Variants in CNKSR2 observed in about 807,000 individuals in gnomAD.
The protein encoded by CNKSR2 is connector enhancer of kinase suppressor of Ras 2, also known as CNK homolog protein 2.
In CNKSR2, 14 loss-of-function variants were observed where a neutral mutation model predicts 84.4. That is an observed-to-expected ratio of 0.17 (90% CI 0.11 to 0.26). The LOEUF is 0.26. Among genes scored for constraint, CNKSR2 ranks in the 10% least tolerant of loss-of-function variants. The pLI is 1.00. For synonymous variants in CNKSR2, 275 were observed against 277.9 expected (o/e 0.99, Z 0.10); for missense variants, 485 against 771.2 (o/e 0.63, Z 4.40).
chrX:21,463,904 G>A (rs2091092964), intron 4 of CNKSR2, among the ~76,000 whole-genome samples: 1 of 111,678 alleles, frequency 9.0e-6, no homozygotes, highest in Non-Finnish European at 1.9e-5. Flanking sequence ...CACGAGCTAT[G>A]CAACCTGGGG....
intron 20 of CNKSR2, among the ~76,000 whole-genome samples, chrX:21,629,956 G>T (rs1478236922): frequency 8.9e-6 from 1 of 112,012 alleles, no homozygotes; most frequent in Non-Finnish European, 1.9e-5. Context: ...ACTCATTTCA[G>T]TCAGGTTTAC....
intron 13 of CNKSR2, among the ~76,000 whole-genome samples, chrX:21,578,009 T>C (rs2092329930): frequency 9.0e-6 from 1 of 111,545 alleles, no homozygotes; most frequent in Non-Finnish European, 1.9e-5. Context: ...GCAGCCATTA[T>C]GGATTTTTCA....
rs529903606 is a variant in CNKSR2, at chrX:21,561,270, C to T, written c.1304-201C>T. Among the ~76,000 whole-genome samples, 61 of 110,104 alleles carry T rather than the reference C, an allele frequency of 5.5e-4. No individual in the cohort carries two copies. In the South Asian group the frequency reaches 0.019, roughly 35 times the overall value. On this transcript the variant is annotated intron_variant, in intron 11 of 21. Transcript: ENST00000379510. Reference sequence around the variant, plus strand: ...TATTCATTATTATTTATAAAAAGTACCTTAAGTTTGCTTTATCACCTGGCC... The same window carrying T: ...TATTCATTATTATTTATAAAAAGTATCTTAAGTTTGCTTTATCACCTGGCC...
Position 21,609,075 on chromosome X carries a change from G to T in CNKSR2, c.2150G>T (p.Ser717Ile). ...YDTYPRPPSM[S>I]CASPYVEAKH... ...ATCAGGGGCTCCTTTCTACAGATGA[G>T]TTGCGCCAGTCCTTATGTGGAAGCA... The change falls in exon 20 of 22, where the codon AGT (serine) becomes ATT (isoleucine). Residue 717 changes from serine (S) to isoleucine (I), a missense_variant. By Grantham distance (142) the Ser-to-Ile change is moderately radical (BLOSUM62 -2). Around this residue, in one of 5 missense-constraint regions of CNKSR2, gnomAD observed 210 missense variants for 291.5 expected, o/e 0.72. Coordinates refer to ENST00000379510, the MANE Select transcript of CNKSR2 (RefSeq NM_014927.5). 1.7e-6 allele frequency: 2 copies of T among 1,201,904 alleles called. No homozygotes were observed. Among genetic ancestry groups the T allele is most frequent in the Non-Finnish European group, 2.2e-6 (2 of 890,498 alleles).
chrX:21,581,994 A>G (rs762121382), intron 13 of CNKSR2, among the ~76,000 whole-genome samples: 11 of 111,748 alleles, frequency 9.8e-5, no homozygotes, highest in Admixed American at 3.8e-4. Context: ...TCTCATCAGT[A>G]TTGACACAGG....
chrX:21,394,960 A>G (rs1014063496), intron 1 of CNKSR2, among the ~76,000 whole-genome samples: 2 of 111,588 alleles, frequency 1.8e-5, no homozygotes, highest in Non-Finnish European at 3.8e-5. Context: ...AACAAGAGAG[A>G]ATCATTGGCA....
At position 21,563,262 on chromosome X, in the gene CNKSR2, G is replaced by T; in HGVS notation, c.1418G>T (p.Ser473Ile). 8.3e-7 allele frequency: 1 copy of T among 1,206,912 alleles called. No homozygotes were observed. The highest frequency in any genetic ancestry group is 1.8e-5 in the South Asian group (1 of 56,473). ...RRENSLLRYMSNEKIAQEEYM... is the reference protein window; with the variant it reads ...RRENSLLRYMINEKIAQEEYM... The stretch of plus-strand genomic sequence containing the variant: ...GAAAACTCTCTACTTCGGTATATGA[G>T]CAATGAAAAGATTGCTCAAGAAGAA... The change falls in exon 13 of 22, where the codon AGC becomes ATC. Residue 473 changes from serine to isoleucine, a missense_variant. By Grantham distance (142) the Ser-to-Ile change is moderately radical. Coordinates refer to ENST00000379510, the MANE Select transcript of CNKSR2 (RefSeq NM_014927.5).
intron 21 of CNKSR2, among the ~76,000 whole-genome samples, chrX:21,651,253 A>G (rs1350641552): frequency 2.7e-5 from 3 of 112,234 alleles, no homozygotes; most frequent in East Asian, 5.6e-4. Context: ...AATGTCCCTC[A>G]TTGGTACAAA....
At chrX:21,425,479 A>G (rs1011053587) in intron 1 of CNKSR2, 1 of 111,429 alleles carries the variant, frequency 9.0e-6, no homozygotes, top group African/African-American at 3.3e-5. Flanking sequence ...ATGGCTACAT[A>G]ATCTCTCTGT....
intron 7 of CNKSR2, among the ~76,000 whole-genome samples, chrX:21,499,693 A>G (rs2091539282): frequency 9.1e-6 from 1 of 110,362 alleles, no homozygotes; most frequent in African/African-American, 3.3e-5. Context: ...TATAATTAGG[A>G]GATCTGTCTT....
At chrX:21,624,138 A>C (rs1193348475) in intron 20 of CNKSR2, among the ~76,000 whole-genome samples, 1 of 112,172 alleles carries the variant, frequency 8.9e-6, no homozygotes, top group Non-Finnish European at 1.9e-5. Flanking sequence ...AAATCAGTTG[A>C]TAAACTATTT....
intron 18 of CNKSR2, among the ~76,000 whole-genome samples, chrX:21,603,999 A>G (rs2092500391): frequency 1.8e-5 from 2 of 111,484 alleles, no homozygotes; most frequent in Non-Finnish European, 1.9e-5. Context: ...AATTTGTGCT[A>G]TATAGACAGC....
chrX:21,530,208 G>C (rs1459149447), intron 10 of CNKSR2, among the ~76,000 whole-genome samples: 3 of 111,337 alleles, frequency 2.7e-5, no homozygotes, highest in African/African-American at 9.8e-5. Context: ...TAGTTCTATT[G>C]TGGTAATAAG....
rs768198427 is a variant in CNKSR2 at position 21,572,708 on chromosome X, G to A, written c.1608+9256G>A. Among the ~76,000 whole-genome samples the A allele has an allele frequency of 5.4e-5, 6 of 111,495 alleles. No individual in the cohort carries two copies. The South Asian group carries it at 2.3e-3, about 43-fold the overall frequency. ...TCACAATCATGAGAACAGCATGGAG[G>A]TAACTGCTGCCATGATTCAATTACC... On this transcript the variant is annotated intron_variant, in intron 13 of 21. Transcript: ENST00000379510.
chrX:21,450,399 C>T (rs775807160), intron 4 of CNKSR2, among the ~76,000 whole-genome samples: 6 of 110,844 alleles, frequency 5.4e-5, no homozygotes, highest in South Asian at 3.8e-4. Context: ...TTTGCATACG[C>T]GGACATAACT....
intron 1 of CNKSR2, among the ~76,000 whole-genome samples, chrX:21,379,424 A>G (rs1569134775): frequency 8.9e-6 from 1 of 112,309 alleles, no homozygotes; most frequent in Non-Finnish European, 1.9e-5. Context: ...CTAAATTGGC[A>G]CCAACAATTG....
chrX:21,426,545 A>G lies in CNKSR2; in HGVS notation c.113A>G (p.Lys38Arg), dbSNP rs1428257500. Residue 38 changes from lysine to arginine, a missense_variant, in exon 2 of 22, where the codon AAG (lysine) becomes AGG (arginine). By Grantham distance (26) the Lys-to-Arg change is conservative. Around this residue, in one of 5 missense-constraint regions of CNKSR2, gnomAD observed 109 missense variants for 197.5 expected, o/e 0.55. Transcript: ENST00000379510. ...TATATTAAGAACTTTGAGAGGGAGAAGATCAGTGGGGACCAGCTGCTGCGC... is the reference window on the plus strand; with the variant it reads ...TATATTAAGAACTTTGAGAGGGAGAGGATCAGTGGGGACCAGCTGCTGCGC... ...QQYIKNFEREKISGDQLLRIT... is the reference protein window; with the variant it reads ...QQYIKNFERERISGDQLLRIT... The G allele has an allele frequency of 8.3e-7, 1 of 1,207,229 alleles. No individual in the cohort carries two copies. Among genetic ancestry groups the G allele is most frequent in the African/African-American group, 1.8e-5 (1 of 56,854 alleles).
At position 21,419,649 on chromosome X, in the gene CNKSR2, A is replaced by C. The variant is rs113074115; in HGVS notation, c.65-6848A>C. On this transcript the variant is annotated intron_variant, in intron 1 of 21. Coordinates refer to ENST00000379510, the MANE Select transcript of CNKSR2 (RefSeq NM_014927.5). ...GTGATGCTGTGCTTCTTACAGACTC[A>C]TAGAGGCCTCCTTGATGATCTTGGA... Among the ~76,000 whole-genome samples the C allele has an allele frequency of 6.3e-5, 7 of 111,777 alleles. No individual in the cohort carries two copies. The Admixed American group carries it at 6.6e-4, about 11-fold the overall frequency.
intron 4 of CNKSR2, among the ~76,000 whole-genome samples, chrX:21,466,936 C>A (rs933265418): frequency 9.0e-6 from 1 of 111,153 alleles, no homozygotes; most frequent in African/African-American, 3.3e-5. Flanking sequence ...CTCTGGGTTT[C>A]AATAACTAGC....
Sources: allele counts gnomAD v4.1 joint callset (sites outside exome capture counted in the v4.1 genomes callset), GRCh38; gene constraint gnomAD v4.1.1; regional missense constraint gnomAD v4.1.1; transcripts MANE v1.5; gene names NCBI Gene and HGNC (gene_info 2026-07-23, HGNC 2026-07-21).